EXOC6: variants seen among roughly 807,000 people sequenced by gnomAD.
EXOC6 encodes the protein SEC15-like 1.
A neutral mutation model predicts 112.5 loss-of-function variants in EXOC6; 60 were observed. The ratio of observed to expected loss-of-function variants is 0.53; its 90% CI spans 0.43 to 0.66. The LOEUF (loss-of-function observed/expected upper bound fraction) is 0.66, where lower values mean the gene tolerates loss of function less well. EXOC6 is among the 30% of genes least tolerant of loss of function. The probability of loss-of-function intolerance (pLI) is 0.00; values close to 1 mark genes in which losing one functional copy is unlikely to be tolerated. For synonymous variants in EXOC6, 295 were observed against 308.0 expected (o/e 0.96, Z 0.44); for missense variants, 855 against 957.1 (o/e 0.89, Z 1.41).
chr10:92,948,629 C>T (rs570924052), intron 14 of EXOC6, among the ~76,000 whole-genome samples: 3 of 145,902 alleles, frequency 2.1e-5, no homozygotes, highest in Non-Finnish European at 3.0e-5. Flanking sequence ...ACTGAGATTT[C>T]GATGACGTTA....
intron 1 of EXOC6, chr10:92,878,060 C>T (rs7069896): frequency 0.034 from 5,321 of 154,758 alleles, 205 homozygotes; most frequent in East Asian, 0.15. Flanking sequence ...GATGGTAAAC[C>T]GGCATTTATT....
intron 18 of EXOC6, among the ~76,000 whole-genome samples, chr10:92,996,241 G>T (rs1279754122): frequency 6.6e-6 from 1 of 152,124 alleles, no homozygotes; most frequent in Non-Finnish European, 1.5e-5. Context: ...ATTCCATCAT[G>T]AAATCACATG....
At chr10:93,025,306 A>G (rs1321250564) in intron 20 of EXOC6, among the ~76,000 whole-genome samples, 6 of 152,184 alleles carry the variant, frequency 3.9e-5, no homozygotes, top group Non-Finnish European at 4.4e-5. Flanking sequence ...TGGGGCTGTT[A>G]AGACTATGCC....
At chr10:92,965,351 C>A (rs1011035244) in intron 17 of EXOC6, among the ~76,000 whole-genome samples, 14 of 152,156 alleles carry the variant, frequency 9.2e-5, no homozygotes, top group African/African-American at 3.1e-4. Context: ...TTAATTCTTA[C>A]ACATTGAAAT....
At chr10:92,860,454 G>A (rs1464867900) in intron 1 of EXOC6, among the ~76,000 whole-genome samples, 1 of 151,864 alleles carries the variant, frequency 6.6e-6, no homozygotes, top group Admixed American at 6.6e-5. Flanking sequence ...AGTAGAGACG[G>A]GGTTTCACCA....
chr10:92,926,322 A>T lies in EXOC6; in HGVS notation c.889-2017A>T, dbSNP rs140979652. On this transcript the variant is annotated intron_variant, in intron 8 of 21. Transcript: ENST00000260762. ...ATAATCTCAAAGATAAGAGTAAAAC[A>T]TATCATATTAGACAATGTTTTTTAA... Among the ~76,000 whole-genome samples the T allele has an allele frequency of 2.6e-5, 4 of 152,114 alleles. No homozygotes were observed. The East Asian group carries it at 7.7e-4, about 29-fold the overall frequency.
chr10:92,830,062 G>A (rs1299572384), upstream of EXOC6, among the ~76,000 whole-genome samples: 1 of 152,188 alleles, frequency 6.6e-6, no homozygotes, highest in Non-Finnish European at 1.5e-5. Context: ...GTAACAATAA[G>A]TATAAGCAGC....
At chr10:92,907,460 C>T (rs991892321) in intron 5 of EXOC6, among the ~76,000 whole-genome samples, 1 of 152,068 alleles carries the variant, frequency 6.6e-6, no homozygotes, top group African/African-American at 2.4e-5. Context: ...ATGGGAGCGC[C>T]AAGATGGGAG....
chr10:92,968,182 CTTT>C (rs10593908), intron 17 of EXOC6, among the ~76,000 whole-genome samples: 339 of 135,330 alleles, frequency 2.5e-3, no homozygotes, highest in Middle Eastern at 7.3e-3. Flanking sequence ...AGTGTTTCAC[CTTT>C]TTTTTTTTTT....
intron 1 of EXOC6, among the ~76,000 whole-genome samples, chr10:92,864,256 C>T (rs1461043617): frequency 2.0e-5 from 3 of 152,138 alleles, no homozygotes; most frequent in African/African-American, 4.8e-5. Flanking sequence ...GAAACAAGCC[C>T]AACAAGATTA....
chr10:92,968,939 AGTCATTTCTTC>A (rs1842178456), intron 17 of EXOC6, among the ~76,000 whole-genome samples: 1 of 152,066 alleles, frequency 6.6e-6, no homozygotes, highest in Non-Finnish European at 1.5e-5. Context: ...ATTCTTTATG[AGTCATTTCTTC>A]GTTACTCATT....
At chr10:92,869,244 C>A (rs531202014) in intron 1 of EXOC6, among the ~76,000 whole-genome samples, 11 of 151,916 alleles carry the variant, frequency 7.2e-5, no homozygotes, top group African/African-American at 2.4e-4. Context: ...CTTAAGTAAT[C>A]CTCCCTCCTT....
At position 92,952,382 on chromosome 10, in the gene EXOC6, G is replaced by A. The variant is rs896997873; in HGVS notation, c.1526G>A (p.Ser509Asn). 1.9e-6 allele frequency: 3 copies of A among 1,557,718 alleles called. No homozygotes were observed. The Admixed American group carries it at 5.1e-5, about 27-fold the overall frequency. ...AAATTTTCAGAGTCACTACACCGGAGGTGAGTTTACTAATCACAAATGCAT... is the reference window on the plus strand; with the variant it reads ...AAATTTTCAGAGTCACTACACCGGAAGTGAGTTTACTAATCACAAATGCAT... ...SLKFSESLHR[S>N]STEIDDMLRK... The change falls in exon 15 of 22, where the codon AGC becomes AAC. Residue 509 changes from serine to asparagine, a missense_variant and splice_region_variant. By Grantham distance (46) the Ser-to-Asn change is conservative. This residue lies in a region of EXOC6 where 450 missense variants were observed against 563.5 expected (regional missense o/e 0.80). Transcript: ENST00000260762.
At chr10:92,883,405 T>C (rs1326331326) in intron 1 of EXOC6, among the ~76,000 whole-genome samples, 1 of 152,170 alleles carries the variant, frequency 6.6e-6, no homozygotes, top group African/African-American at 2.4e-5. Flanking sequence ...ACATGGTTAA[T>C]TGTCTTATAT....
At chr10:93,040,095 C>G (rs1845690385) in intron 20 of EXOC6, among the ~76,000 whole-genome samples, 1 of 152,208 alleles carries the variant, frequency 6.6e-6, no homozygotes. Flanking sequence ...TTGCAGTCAG[C>G]TTATCTATAT....
At chr10:92,842,402 G>A (rs1032005928) in intron 1 of EXOC6, among the ~76,000 whole-genome samples, 6 of 151,126 alleles carry the variant, frequency 4.0e-5, no homozygotes, top group Non-Finnish European at 7.4e-5. Flanking sequence ...GAAGATTTAG[G>A]GATGCTAATA....
chr10:92,831,374 G>C (rs1846473745), upstream of EXOC6: 1 of 1,277,648 alleles, frequency 7.8e-7, no homozygotes, highest in African/African-American at 1.5e-5. Context: ...CAAAGCAATA[G>C]TGGTTTGTTA....
chr10:92,934,766 A>C (rs1005970750), intron 11 of EXOC6, among the ~76,000 whole-genome samples: 2 of 152,160 alleles, frequency 1.3e-5, no homozygotes, highest in Non-Finnish European at 2.9e-5. Flanking sequence ...TTTCTAAAAT[A>C]AACTCCACCA....
chr10:93,037,097 C>T (rs1228949586), intron 20 of EXOC6, among the ~76,000 whole-genome samples: 1 of 151,734 alleles, frequency 6.6e-6, no homozygotes, highest in Non-Finnish European at 1.5e-5. Flanking sequence ...TATATCTTTT[C>T]TCTCAAAATT....
Sources: gnomAD v4.1 joint callset for allele counts (sites outside exome capture counted in the v4.1 genomes callset) on GRCh38, gnomAD v4.1.1 for gene constraint, gnomAD v4.1.1 regional missense constraint, MANE v1.5 for transcripts, NCBI Gene and HGNC (gene_info 2026-07-23, HGNC 2026-07-21) for gene names.